Variants in DLG2 observed in about 807,000 individuals in gnomAD.
DLG2 encodes the protein discs large MAGUK scaffold protein 2, also known as disks large homolog 2.
In DLG2, 45 loss-of-function variants were observed where a neutral mutation model predicts 132.5. The ratio of observed to expected loss-of-function variants is 0.34; its 90% CI spans 0.27 to 0.44. The LOEUF (loss-of-function observed/expected upper bound fraction) is 0.44. DLG2 is among the 20% of genes least tolerant of loss of function. The probability of loss-of-function intolerance (pLI) is 1.00; values close to 1 mark genes in which losing one functional copy is unlikely to be tolerated. For synonymous variants in DLG2, 424 were observed against 419.6 expected, an observed-to-expected ratio of 1.01 and a Z score of -0.13; for missense variants, 1,045 against 1,196.9, an observed-to-expected ratio of 0.87 and a Z score of 1.87.
At chr11:85,226,437 C>A (rs1462689105) in intron 4 of DLG2, among the ~76,000 whole-genome samples, 1 of 152,000 alleles carries the variant, frequency 6.6e-6, no homozygotes, top group Non-Finnish European at 1.5e-5. Flanking sequence ...GACAAAACAC[C>A]AGCTACTCAG....
At chr11:85,570,556 G>A (rs1446477451) in intron 3 of DLG2, among the ~76,000 whole-genome samples, 1 of 152,022 alleles carries the variant, frequency 6.6e-6, no homozygotes, top group Non-Finnish European at 1.5e-5. Context: ...ATGTTGTGTG[G>A]ATCTCTTTGA....
intron 4 of DLG2, among the ~76,000 whole-genome samples, chr11:85,169,906 C>T (rs1277755581): frequency 1.3e-5 from 2 of 152,064 alleles, no homozygotes; most frequent in Non-Finnish European, 2.9e-5. Flanking sequence ...AAGAGCTATA[C>T]TTTTGGGTAT....
intron 16 of DLG2, among the ~76,000 whole-genome samples, chr11:83,859,263 A>G (rs986937637): frequency 4.6e-5 from 7 of 152,184 alleles, no homozygotes; most frequent in Admixed American, 6.5e-5. Flanking sequence ...ACCAGTTTGG[A>G]GGGCTCAGAA....
rs149793165 is a variant in DLG2, at chr11:85,395,338, G to A, written c.41-109973C>T. On this transcript the variant is annotated intron_variant, in intron 3 of 27. Coordinates refer to ENST00000376104, the MANE Select transcript of DLG2 (RefSeq NM_001142699.3). ...CTGGTCTGCAGCTCCCAGCAATATC[G>A]AGGCAGAAGAGGGGTGGTTTCTGCA... 2.5e-3 allele frequency among the ~76,000 whole-genome samples: 374 copies of A among 152,188 alleles called. 3 individuals are homozygous for A. The highest frequency in any genetic ancestry group is 8.5e-3 in the African/African-American group (353 of 41,518).
At chr11:85,111,508 G>T (rs561138370) in intron 6 of DLG2, among the ~76,000 whole-genome samples, 153 bp downstream of exon 6, 2 of 151,934 alleles carry the variant, frequency 1.3e-5, no homozygotes, top group Non-Finnish European at 2.9e-5. Flanking sequence ...TTTTTATAAT[G>T]CAAAGCTTTC....
chr11:84,363,919 A>T (rs568564988), intron 7 of DLG2, among the ~76,000 whole-genome samples: 105 of 152,142 alleles, frequency 6.9e-4, no homozygotes, highest in Non-Finnish European at 1.3e-3. Flanking sequence ...GTAGCCTTGT[A>T]GTATAGTTTG....
intron 15 of DLG2, among the ~76,000 whole-genome samples, chr11:83,875,417 G>A (rs914684069): frequency 1.3e-5 from 2 of 152,130 alleles, no homozygotes; most frequent in Non-Finnish European, 2.9e-5. Flanking sequence ...GGATTAGAAA[G>A]TTGCTCAGAG....
At chr11:84,051,153 G>C (rs986335691) in intron 11 of DLG2, among the ~76,000 whole-genome samples, 1 of 151,900 alleles carries the variant, frequency 6.6e-6, no homozygotes. Context: ...TGGAGAAATA[G>C]GAACACTTTT....
chr11:85,603,018 G>A (rs1277003939), intron 2 of DLG2, among the ~76,000 whole-genome samples: 1 of 152,020 alleles, frequency 6.6e-6, no homozygotes, highest in Non-Finnish European at 1.5e-5. Flanking sequence ...AGATGGAGGA[G>A]GACATTGCGT....
intron 7 of DLG2, among the ~76,000 whole-genome samples, chr11:84,440,705 G>A (rs1361419456): frequency 5.3e-5 from 8 of 152,120 alleles, no homozygotes; most frequent in East Asian, 1.9e-4. Context: ...CTCCTATGAC[G>A]GAAACCTACC....
intron 6 of DLG2, among the ~76,000 whole-genome samples, chr11:84,561,800 G>A (rs2099429243): frequency 6.6e-6 from 1 of 152,090 alleles, no homozygotes; most frequent in Non-Finnish European, 1.5e-5. Flanking sequence ...AATAGACCAT[G>A]AACCTTGTAC....
intron 4 of DLG2, among the ~76,000 whole-genome samples, chr11:85,257,783 A>C (rs917615388): frequency 1.3e-5 from 2 of 152,214 alleles, no homozygotes; most frequent in Admixed American, 6.5e-5. Flanking sequence ...CAACTTCTCC[A>C]TAAGAATGAA....
At chr11:83,815,194 G>A (rs928879228) in intron 17 of DLG2, 1 of 153,812 alleles carries the variant, frequency 6.5e-6, no homozygotes, top group Admixed American at 6.5e-5. Context: ...GCAGAGATGA[G>A]ATAATCTTTG....
intron 6 of DLG2, among the ~76,000 whole-genome samples, chr11:84,668,456 G>A (rs1393566255): frequency 2.6e-5 from 4 of 152,156 alleles, no homozygotes; most frequent in Admixed American, 6.5e-5. Flanking sequence ...TTTCTGTGAA[G>A]AGAATTGCTG....
chr11:83,770,113 TGG>T (rs1225740502), intron 18 of DLG2, among the ~76,000 whole-genome samples: 1 of 152,148 alleles, frequency 6.6e-6, no homozygotes, highest in Non-Finnish European at 1.5e-5. Context: ...CAGGGCTGTG[TGG>T]GTAAATGCTT....
intron 7 of DLG2, among the ~76,000 whole-genome samples, chr11:84,421,237 A>T (rs554252393): frequency 3.9e-5 from 6 of 152,296 alleles, no homozygotes; most frequent in African/African-American, 1.4e-4. Flanking sequence ...AATTGTGAAG[A>T]AATAAATATT....
chr11:85,031,397 G>T (rs1029398977), intron 6 of DLG2, among the ~76,000 whole-genome samples: 14 of 152,108 alleles, frequency 9.2e-5, no homozygotes, highest in African/African-American at 3.1e-4. Flanking sequence ...TTTTATAATA[G>T]TCATCCCACT....
chr11:83,762,725 C>T (rs192477134), intron 18 of DLG2, among the ~76,000 whole-genome samples: 5 of 152,020 alleles, frequency 3.3e-5, no homozygotes, highest in South Asian at 2.1e-4. Flanking sequence ...GGACTACAGG[C>T]GCATGCCGCC....
intron 3 of DLG2, among the ~76,000 whole-genome samples, chr11:85,392,959 A>G (rs2086934038): frequency 6.6e-6 from 1 of 152,204 alleles, no homozygotes; most frequent in Non-Finnish European, 1.5e-5. Context: ...ATACAACAAA[A>G]ACAAAGATAA....
Sources: gnomAD v4.1 joint callset for allele counts (sites outside exome capture counted in the v4.1 genomes callset) on GRCh38, gnomAD v4.1.1 for gene constraint, MANE v1.5 for transcripts, NCBI Gene and HGNC (gene_info 2026-07-23, HGNC 2026-07-21) for gene names.